LAMC3: variants seen among roughly 807,000 people sequenced by gnomAD.
LAMC3 encodes laminin subunit gamma-3.
Under a neutral mutation model 173.8 loss-of-function variants are expected in LAMC3, and 128 were observed. The observed-to-expected ratio is 0.74, with a 90% confidence interval of 0.64 to 0.85. The LOEUF (loss-of-function observed/expected upper bound fraction) is 0.85. Among genes scored for constraint, LAMC3 ranks in the 40% least tolerant of loss-of-function variants. The pLI is 0.00. For missense variants in LAMC3, 2,022 were observed against 2,156.0 expected, an observed-to-expected ratio of 0.94 and a Z score of 1.23; for synonymous variants, 897 against 909.1, an observed-to-expected ratio of 0.99 and a Z score of 0.24.
intron 8 of LAMC3, among the ~76,000 whole-genome samples, chr9:131,048,156 A>C (rs935577785): frequency 7.0e-6 from 1 of 142,372 alleles, no homozygotes; most frequent in African/African-American, 2.7e-5. Flanking sequence ...TCTCGGGTTC[A>C]GGCGATTCTC....
chr9:131,049,867 G>A (rs1236712945), intron 9 of LAMC3, among the ~76,000 whole-genome samples: 2 of 152,294 alleles, frequency 1.3e-5, no homozygotes, highest in East Asian at 3.9e-4. Context: ...GGGAACTGTG[G>A]TCTCCTGGCG....
chr9:131,092,112 T>G lies in LAMC3; in HGVS notation c.*325T>G, dbSNP rs1588174066. 2 of 418,618 alleles carry G rather than the reference T, an allele frequency of 4.8e-6. No homozygotes were observed. The highest frequency in any genetic ancestry group is 4.9e-5 in the East Asian group (1 of 20,416). 25.9% of individuals were successfully genotyped at this position (418,618 alleles called of 1,614,324 possible). A position where few individuals can be genotyped will look rare whatever the true frequency, so the allele number is the denominator to read the frequency against. ...ATGACCCACACGTGTTCAAGTCTAA[T>G]CCATCCAGTCAGCAGCTTACGGTCC... On this transcript the variant is annotated 3_prime_UTR_variant, in exon 28 of 28. Coordinates refer to ENST00000361069, the MANE Select transcript of LAMC3 (RefSeq NM_006059.4).
At chr9:131,084,846 C>G (rs1360022516) in intron 24 of LAMC3, among the ~76,000 whole-genome samples, 1 of 151,424 alleles carries the variant, frequency 6.6e-6, no homozygotes, top group Non-Finnish European at 1.5e-5. Context: ...TTGCAGTGAG[C>G]TGAGATCTCT....
rs1443144801 is a variant in LAMC3 at position 131,061,135 on chromosome 9, G to A, written c.2259G>A (p.Gln753=). ...TCGCGGGCCAAGCCGACGACTGCCA[G>A]CCCTGTCCCTGCCCTGGCCAGTCGG... The part of the protein sequence containing the change: ...NPFAGQADDC[Q]PCPCPGQSAC... Residue 753 remains glutamine (Q), a synonymous_variant, in exon 13 of 28, where the codon CAG becomes CAA. Transcript: ENST00000361069. 1.2e-6 allele frequency: 2 copies of A among 1,613,602 alleles called. No homozygotes were observed. The highest frequency in any genetic ancestry group is 1.7e-6 in the Non-Finnish European group (2 of 1,180,018).
chr9:131,023,301 A>G (rs1833660196), intron 1 of LAMC3, among the ~76,000 whole-genome samples: 1 of 152,152 alleles, frequency 6.6e-6, no homozygotes, highest in Non-Finnish European at 1.5e-5. Context: ...TGAGGAGTGG[A>G]ATTGCTAGGT....
At chr9:131,060,936 C>A (rs539039428) in intron 12 of LAMC3, 99 bp from the exon 13 acceptor site, 12 of 1,253,562 alleles carry the variant, frequency 9.6e-6, no homozygotes, top group South Asian at 8.5e-5. Flanking sequence ...GTCCCCACCC[C>A]ACTTCTGCCC....
At chr9:131,063,814 C>G (rs547645975) in intron 13 of LAMC3, among the ~76,000 whole-genome samples, 87 of 152,320 alleles carry the variant, frequency 5.7e-4, no homozygotes, top group Non-Finnish European at 9.4e-4. Context: ...ATCCACAAGG[C>G]AGGTGCTAGC....
At chr9:131,049,657 C>G (rs1834242900) in intron 9 of LAMC3, among the ~76,000 whole-genome samples, 1 of 152,128 alleles carries the variant, frequency 6.6e-6, no homozygotes, top group African/African-American at 2.4e-5. Flanking sequence ...CTGATGAAAC[C>G]CCCGTTTTTC....
intron 3 of LAMC3, among the ~76,000 whole-genome samples, chr9:131,032,496 C>T (rs1220657221): frequency 6.6e-6 from 1 of 150,488 alleles, no homozygotes; most frequent in East Asian, 1.9e-4. Flanking sequence ...CGCTCTCGCT[C>T]TCTCTCACTC....
chr9:131,030,609 T>G (rs1280777412), intron 2 of LAMC3, among the ~76,000 whole-genome samples: 1 of 152,194 alleles, frequency 6.6e-6, no homozygotes, highest in Non-Finnish European at 1.5e-5. Context: ...CATCTTTAAA[T>G]GGGGTTAATA....
intron 3 of LAMC3, among the ~76,000 whole-genome samples, chr9:131,033,687 C>G (rs1833889990): frequency 6.6e-6 from 1 of 152,008 alleles, no homozygotes; most frequent in Non-Finnish European, 1.5e-5. Flanking sequence ...GAGAGGAAGT[C>G]GAATGTCAGG....
intron 13 of LAMC3, 127 bp downstream of exon 13, chr9:131,061,350 C>G: frequency 5.2e-6 from 4 of 766,074 alleles, no homozygotes; most frequent in Non-Finnish European, 8.4e-6. Context: ...GCCCAGCTTA[C>G]GGGCAGCAGG....
chr9:131,081,628 C>T (rs1049258084), intron 23 of LAMC3, among the ~76,000 whole-genome samples: 10 of 152,144 alleles, frequency 6.6e-5, no homozygotes, highest in African/African-American at 2.4e-4. Flanking sequence ...TGCACCACCA[C>T]ACCTAGCTAA....
At position 131,067,185 on chromosome 9, in the gene LAMC3, G is replaced by A. The variant is rs372531644; in HGVS notation, c.2573G>A (p.Arg858Gln). Residue 858 changes from arginine (R) to glutamine (Q), a missense_variant, in exon 14 of 28, where the codon CGA becomes CAA. Transcript: ENST00000361069. ...TTCTACGGGAGCGCCCTGGCCCCTC[G>A]ACCCGCAGACAAATGCATGCGTGAG... ...EGFYGSALAP[R>Q]PADKCMPCSC... is the part of the protein sequence containing the mutation. The A allele has an allele frequency of 1.1e-5, 18 of 1,613,770 alleles. No individual in the cohort carries two copies. The highest frequency in any genetic ancestry group is 4.4e-5 in the South Asian group (4 of 91,070).
chr9:131,080,126 C>T (rs968873176), intron 23 of LAMC3, among the ~76,000 whole-genome samples: 1 of 151,900 alleles, frequency 6.6e-6, no homozygotes, highest in Non-Finnish European at 1.5e-5. Flanking sequence ...GTGTGTGCCA[C>T]CGTGTCTAGC....
In LAMC3 at chr9:131,076,017, C is replaced by G. The variant is rs567087655; in HGVS notation, c.3629+52C>G. ...AACTTTGGGGTTGGCCTCCTGGAGC[C>G]AACAGGGCCTAGCCAAAGGCTGCTG... On this transcript the variant is annotated intron_variant, in intron 21 of 27. Coordinates refer to ENST00000361069, the MANE Select transcript of LAMC3 (RefSeq NM_006059.4). 11 of 1,537,442 alleles carry G rather than the reference C, an allele frequency of 7.2e-6. No individual in the cohort carries two copies. In the East Asian group the frequency reaches 2.5e-4, roughly 36 times the overall value.
Position 131,033,630 on chromosome 9 carries a change from TA to T in LAMC3, c.809+1459del, listed in dbSNP as rs924343942. On this transcript the variant is annotated intron_variant, in intron 3 of 27. Coordinates refer to ENST00000361069, the MANE Select transcript of LAMC3 (RefSeq NM_006059.4). ...CAGGGTAGTAACAGAGTCAGATTTTTAAAACACCCCCAAACCCCTGACAGCC... is the reference window on the plus strand; with the variant it reads ...CAGGGTAGTAACAGAGTCAGATTTTTAAACACCCCCAAACCCCTGACAGCC... Among the ~76,000 whole-genome samples, 3 of 151,918 alleles carry T rather than the reference TA, an allele frequency of 2.0e-5. No individual in the cohort carries two copies. The East Asian group carries it at 5.8e-4, about 29-fold the overall frequency.
Position 131,009,666 on chromosome 9 carries a change from C to T in LAMC3, c.373+79C>T. 15 of 1,504,694 alleles carry T rather than the reference C, an allele frequency of 1.0e-5. No individual in the cohort carries two copies. The highest frequency in any genetic ancestry group is 1.3e-5 in the Non-Finnish European group (14 of 1,118,024). The allele number at this position is 1,504,694 out of a possible 1,614,324, so 93.2% of individuals were successfully genotyped here. A position where few individuals can be genotyped will look rare whatever the true frequency, so the allele number is the denominator to read the frequency against. On this transcript the variant is annotated intron_variant, in intron 1 of 27. Coordinates refer to ENST00000361069, the MANE Select transcript of LAMC3 (RefSeq NM_006059.4). This position sits in a 1 kb window ranked among gnomAD's most constrained non-coding sequence, Gnocchi z 4.3. ...GGGTCTGAGGCTGAGGCCTGAGCTG[C>T]TGTGCGCCCAGGTTGGGCTGCAGGA...
chr9:131,042,666 T>C (rs971333504), intron 7 of LAMC3, among the ~76,000 whole-genome samples: 1 of 151,024 alleles, frequency 6.6e-6, no homozygotes, highest in African/African-American at 2.4e-5. Context: ...TTCACAGCCA[T>C]GGCAGACATC....
Sources: allele counts gnomAD v4.1 joint callset (sites outside exome capture counted in the v4.1 genomes callset), GRCh38; gene constraint gnomAD v4.1.1; non-coding constraint Gnocchi (gnomAD v3.1); transcripts MANE v1.5; gene names NCBI Gene and HGNC (gene_info 2026-07-23, HGNC 2026-07-21).